Variants in APPL1 observed in about 807,000 individuals in gnomAD.
APPL1 encodes the protein DCC-interacting protein 13-alpha.
Under a neutral mutation model 106.8 loss-of-function variants are expected in APPL1, and 42 were observed. The observed-to-expected ratio is 0.39, with a 90% CI of 0.31 to 0.51. APPL1 has a LOEUF of 0.51. Among genes scored for constraint, APPL1 ranks in the 20% least tolerant of loss-of-function variants. The pLI is 0.75. For synonymous variants in APPL1, 263 were observed against 281.8 expected (o/e 0.93, Z 0.67); for missense variants, 769 against 858.2 (o/e 0.90, Z 1.30).
At chr3:57,260,366 A>AT (rs2060858663) in intron 18 of APPL1, 2 of 586,212 alleles carry the variant, frequency 3.4e-6, no homozygotes, top group South Asian at 3.3e-5. Flanking sequence ...TCTTTTTGTA[A>AT]TTTTTTTAAC....
At chr3:57,247,313 A>G in intron 8 of APPL1, 82 bp from the exon 9 acceptor site, 1 of 760,168 alleles carries the variant, frequency 1.3e-6, no homozygotes, top group South Asian at 1.7e-5. Flanking sequence ...CATGTGTCTT[A>G]GAGATTGTTT....
intron 19 of APPL1, among the ~76,000 whole-genome samples, chr3:57,262,224 T>C (rs1261627048): frequency 6.6e-6 from 1 of 152,032 alleles, no homozygotes; most frequent in East Asian, 1.9e-4. Flanking sequence ...TACTCTGTTA[T>C]TTCTTTGGCT....
intron 14 of APPL1, 25 bp downstream of exon 14, chr3:57,257,076 AAAG>A (rs1418035162): frequency 5.6e-6 from 9 of 1,608,776 alleles, no homozygotes; most frequent in Admixed American, 1.7e-5. Context: ...TGAGTTATTT[AAAG>A]AAGGAGATGG....
chr3:57,268,157 C>A, intron 20 of APPL1: 1 of 486,840 alleles, frequency 2.1e-6, no homozygotes, highest in Non-Finnish European at 3.6e-6. Context: ...AGTATATTAG[C>A]TCTTTCATAT....
At chr3:57,242,571 T>C (rs1030352945) in intron 6 of APPL1, among the ~76,000 whole-genome samples, 78 of 152,216 alleles carry the variant, frequency 5.1e-4, no homozygotes, top group African/African-American at 1.8e-3. Flanking sequence ...TATTGGCATA[T>C]GCCACTGTGT....
chr3:57,253,856 G>A (rs1298811285), intron 13 of APPL1, 118 bp downstream of exon 13: 1 of 535,664 alleles, frequency 1.9e-6, no homozygotes, highest in Non-Finnish European at 2.8e-6. Flanking sequence ...GACCTTGAAT[G>A]AGTAGCTTTT....
At chr3:57,262,852 A>T (rs200361462) in intron 19 of APPL1, among the ~76,000 whole-genome samples, 4 of 127,376 alleles carry the variant, frequency 3.1e-5, no homozygotes, top group Non-Finnish European at 1.7e-5. Context: ...GTGTGTATGC[A>T]TTTTTTTTTT....
chr3:57,239,872 T>C (rs916295216), intron 4 of APPL1, among the ~76,000 whole-genome samples: 1 of 152,176 alleles, frequency 6.6e-6, no homozygotes, highest in African/African-American at 2.4e-5. Flanking sequence ...TATTTAAAAT[T>C]TTTTTAAAAA....
chr3:57,258,740 T>C lies in APPL1; in HGVS notation c.1431-288T>C, dbSNP rs549678782. 39 of 274,688 alleles carry C rather than the reference T, an allele frequency of 1.4e-4. 1 individual carries two copies. The South Asian group carries it at 4.3e-3, about 30-fold the overall frequency. 17.0% of individuals were successfully genotyped at this position (274,688 alleles called of 1,614,324 possible). A position where few individuals can be genotyped will look rare whatever the true frequency, so the allele number is the denominator to read the frequency against. On this transcript the variant is annotated intron_variant, in intron 15 of 21. Transcript: ENST00000288266. Reference sequence around the variant, plus strand: ...AAGTGTTCCTCTGTGCTAGCTTATTTAAATTCAAGAACTTTTGCAACATGG... The same window carrying C: ...AAGTGTTCCTCTGTGCTAGCTTATTCAAATTCAAGAACTTTTGCAACATGG...
chr3:57,232,818 C>T (rs564361603), intron 1 of APPL1, among the ~76,000 whole-genome samples: 1 of 152,050 alleles, frequency 6.6e-6, no homozygotes, highest in Admixed American at 6.6e-5. Flanking sequence ...CTGGCTAACA[C>T]GATGAAACCC....
At chr3:57,261,080 T>C (rs2060862698) in intron 19 of APPL1, among the ~76,000 whole-genome samples, 1 of 152,162 alleles carries the variant, frequency 6.6e-6, no homozygotes, top group South Asian at 2.1e-4. Flanking sequence ...TTGTACCCTT[T>C]AATCAGCTTT....
chr3:57,268,030 T>C, intron 20 of APPL1: 4 of 541,474 alleles, frequency 7.4e-6, no homozygotes, highest in Non-Finnish European at 9.8e-6. Flanking sequence ...GAGGCGGAGG[T>C]TGCAATGAGC....
At chr3:57,239,663 C>G (rs1033920266) in intron 4 of APPL1, among the ~76,000 whole-genome samples, 1 of 152,002 alleles carries the variant, frequency 6.6e-6, no homozygotes, top group Non-Finnish European at 1.5e-5. Context: ...CAACAGTTTT[C>G]AGTTCTCTTG....
At chr3:57,261,601 C>A (rs56912678) in intron 19 of APPL1, among the ~76,000 whole-genome samples, 5 of 152,060 alleles carry the variant, frequency 3.3e-5, no homozygotes, top group African/African-American at 4.8e-5. Flanking sequence ...TCACTGCAAC[C>A]TCTGCCTCCT....
intron 19 of APPL1, among the ~76,000 whole-genome samples, chr3:57,267,102 A>G (rs958041109): frequency 7.2e-5 from 11 of 152,216 alleles, no homozygotes; most frequent in Admixed American, 3.9e-4. Flanking sequence ...GCTTTGGGCA[A>G]TATGGTTATT....
chr3:57,267,553 A>C (rs1440854292), intron 19 of APPL1, among the ~76,000 whole-genome samples, 189 bp from the exon 20 acceptor site: 1 of 152,194 alleles, frequency 6.6e-6, no homozygotes, highest in African/African-American at 2.4e-5. Flanking sequence ...TCAGCAGTGG[A>C]ATCCTGTAGA....
intron 10 of APPL1, among the ~76,000 whole-genome samples, chr3:57,248,652 C>T (rs1430578586): frequency 1.3e-5 from 2 of 152,044 alleles, no homozygotes; most frequent in African/African-American, 2.4e-5. Flanking sequence ...GGCGGATCAC[C>T]TGAGGTCAGG....
chr3:57,253,826 G>T (rs1206059778), intron 13 of APPL1, 88 bp downstream of exon 13: 23 of 1,061,472 alleles, frequency 2.2e-5, no homozygotes, highest in South Asian at 1.5e-4. Context: ...AATTTCTCAG[G>T]TTCTGTAATT....
intron 21 of APPL1, 37 bp from the exon 22 acceptor site, chr3:57,269,504 A>G: frequency 6.2e-7 from 1 of 1,607,606 alleles, no homozygotes; most frequent in Non-Finnish European, 8.5e-7. Flanking sequence ...TTGACTGCAG[A>G]CAAGTAACTT....
Sources: gnomAD v4.1 joint callset for allele counts (sites outside exome capture counted in the v4.1 genomes callset) on GRCh38, gnomAD v4.1.1 for gene constraint, MANE v1.5 for transcripts, NCBI Gene and HGNC (gene_info 2026-07-23, HGNC 2026-07-21) for gene names.